SOX7: variants seen among roughly 807,000 people sequenced by gnomAD.
SOX7 encodes the protein SRY-box transcription factor 7.
SOX7 carries 19 observed loss-of-function variants against 24.9 expected under a neutral mutation model. The observed-to-expected ratio is 0.76, with a 90% CI of 0.53 to 1.12. The LOEUF (loss-of-function observed/expected upper bound fraction) is 1.12. Among genes scored for constraint, SOX7 ranks in the 50% most tolerant of loss-of-function variants. The probability of loss-of-function intolerance (pLI) is 0.00; values close to 1 mark genes in which losing one functional copy is unlikely to be tolerated. For missense variants in SOX7, 702 were observed against 535.0 expected, an observed-to-expected ratio of 1.31 and a Z score of -3.08; for synonymous variants, 327 against 244.5, an observed-to-expected ratio of 1.34 and a Z score of -3.15.
At position 10,724,470 on chromosome 8, in the gene SOX7, G is replaced by C. The variant is rs561747068; in HGVS notation, c.*1268C>G. 7 of 152,458 alleles carry C rather than the reference G, an allele frequency of 4.6e-5. No homozygotes were observed. The highest frequency in any genetic ancestry group is 1.4e-4 in the African/African-American group (6 of 41,582). 9.4% of individuals were successfully genotyped at this position (152,458 alleles called of 1,614,324 possible). ...CCCAGAAAAGAGAGTAAGGAAGCTG[G>C]AGACAGCCGGGAAGGAAGCACCTTT... On this transcript the variant is annotated 3_prime_UTR_variant, in exon 2 of 2. Coordinates refer to ENST00000304501, the MANE Select transcript of SOX7 (RefSeq NM_031439.4).
At chr8:10,727,607 C>T (rs1800180207) in intron 1 of SOX7, among the ~76,000 whole-genome samples, 2 of 152,202 alleles carry the variant, frequency 1.3e-5, no homozygotes, top group South Asian at 4.1e-4. Flanking sequence ...CCATTGCTTG[C>T]TTGTCTGTTG....
chr8:10,726,524 C>T lies in SOX7; in HGVS notation c.381G>A (p.Lys127=), dbSNP rs1220991833. The T allele has an allele frequency of 1.9e-6, 3 of 1,612,460 alleles. No homozygotes were observed. Among genetic ancestry groups the T allele is most frequent in the Non-Finnish European group, 2.5e-6 (3 of 1,179,972 alleles). The change falls in exon 2 of 2, where the codon AAG becomes AAA. Residue 127 remains lysine, a synonymous_variant. Coordinates refer to ENST00000304501, the MANE Select transcript of SOX7 (RefSeq NM_031439.4). ...RRKKQAKRLC[K]RVDPGFLLSS... ...TCAGAAGGAAGCCCGGGTCCACGCG[C>T]TTGCACAGCCGCTTGGCCTGCTTCT...
At position 10,725,623 on chromosome 8, in the gene SOX7, G is replaced by T; in HGVS notation, c.*115C>A. The T allele has an allele frequency of 8.7e-7, 1 of 1,149,576 alleles. No individual in the cohort carries two copies. Among genetic ancestry groups the T allele is most frequent in the South Asian group, 1.4e-5 (1 of 69,408 alleles). 71.2% of individuals were successfully genotyped at this position (1,149,576 alleles called of 1,614,324 possible). The stretch of plus-strand genomic sequence containing the variant: ...CCAAAGGCTCTGGGGCCGCAGTTCA[G>T]ACCTCCCTGCCCTGAGCGGTGGGAG... On this transcript the variant is annotated 3_prime_UTR_variant, in exon 2 of 2. Transcript: ENST00000304501.
Position 10,724,728 on chromosome 8 carries a change from T to G in SOX7, c.*1010A>C, listed in dbSNP as rs1006213438. 6.6e-6 allele frequency: 1 copy of G among 152,014 alleles called. No individual in the cohort carries two copies. The highest frequency in any genetic ancestry group is 1.5e-5 in the Non-Finnish European group (1 of 68,032). The allele number at this position is 152,014 out of a possible 1,614,324, so 9.4% of individuals were successfully genotyped here. A position where few individuals can be genotyped will look rare whatever the true frequency, so the allele number is the denominator to read the frequency against. ...TTCAGACTGTGCATATTCTTTTTTT[T>G]TTTTTTTTCTTGAAATGGAGTTTCA... On this transcript the variant is annotated 3_prime_UTR_variant, in exon 2 of 2. Transcript: ENST00000304501.
chr8:10,727,600 T>C (rs1457729370), intron 1 of SOX7, among the ~76,000 whole-genome samples: 1 of 152,202 alleles, frequency 6.6e-6, no homozygotes, highest in African/African-American at 2.4e-5. Context: ...CTATTCACCA[T>C]TGCTTGCTTG....
In SOX7 at chr8:10,730,353, T is replaced by C. The variant is rs755062601; in HGVS notation, c.81A>G (p.Gln27=). 72 of 1,566,094 alleles carry C rather than the reference T, an allele frequency of 4.6e-5. No homozygotes were observed. The highest frequency in any genetic ancestry group is 5.8e-5 in the Non-Finnish European group (67 of 1,160,312). The stretch of plus-strand genomic sequence containing the variant: ...GGGGCCGGGGGACGGCCGGCGGCGA[T>C]TGTCCATCCGACAGCTCGGCGTCCA... The part of the protein sequence containing the change: ...PALDAELSDG[Q]SPPAVPRPPG... The change falls in exon 1 of 2, where the codon CAA becomes CAG. Residue 27 remains glutamine, a synonymous_variant. Transcript: ENST00000304501. The surrounding 1 kb of genome is among the most constrained non-coding windows in gnomAD (Gnocchi z 4.8).
chr8:10,730,142 G>GCCGCCCGCCGC lies in SOX7; in HGVS notation c.238+43_238+53dup. The GCCGCCCGCCGC allele has an allele frequency of 7.7e-7, 1 of 1,296,536 alleles. No individual in the cohort carries two copies. The highest frequency in any genetic ancestry group is 1.0e-6 in the Non-Finnish European group (1 of 1,004,636). The allele number at this position is 1,296,536 out of a possible 1,614,324, so 80.3% of individuals were successfully genotyped here. ...TCGCACCCGCCCTGCAGTGCCGCCAGCCGCCCGCCGCCCGCCCCCGGCCCC... is the reference window on the plus strand; with the variant it reads ...TCGCACCCGCCCTGCAGTGCCGCCAGCCGCCCGCCGCCCGCCCGCCGCCCGCCCCCGGCCCC... On this transcript the variant is annotated intron_variant, in intron 1 of 1. Coordinates refer to ENST00000304501, the MANE Select transcript of SOX7 (RefSeq NM_031439.4). The surrounding 1 kb of genome is among the most constrained non-coding windows in gnomAD (Gnocchi z 4.8).
At position 10,726,170 on chromosome 8, in the gene SOX7, C is replaced by T. The variant is rs770103411; in HGVS notation, c.735G>A (p.Glu245=). 10 of 1,608,218 alleles carry T rather than the reference C, an allele frequency of 6.2e-6. No individual in the cohort carries two copies. The African/African-American group carries it at 1.1e-4, about 17-fold the overall frequency. ...TACAGTGGAGAGGGCTTGGGGCGTA[C>T]TCCGGTGAGTACGGGTGCCCTGGCA... ...PHLPGHPYSP[E]YAPSPLHCSH... Residue 245 remains glutamate, a synonymous_variant, in exon 2 of 2, where the codon GAG becomes GAA. Coordinates refer to ENST00000304501, the MANE Select transcript of SOX7 (RefSeq NM_031439.4).
intron 1 of SOX7, among the ~76,000 whole-genome samples, chr8:10,729,887 G>T (rs951041760): frequency 1.3e-5 from 2 of 152,026 alleles, no homozygotes; most frequent in African/African-American, 4.8e-5. Context: ...GTCGCCAGGC[G>T]TCCTGGCCTG....
At chr8:10,728,958 CTG>C (rs1281318918) in intron 1 of SOX7, among the ~76,000 whole-genome samples, 4 of 152,254 alleles carry the variant, frequency 2.6e-5, no homozygotes, top group Non-Finnish European at 4.4e-5. Context: ...TATGCCAACA[CTG>C]TGTAAAATAC....
In SOX7 at chr8:10,726,344, G is replaced by A. The variant is rs1586081273; in HGVS notation, c.561C>T (p.Gly187=). 3 of 1,612,388 alleles carry A rather than the reference G, an allele frequency of 1.9e-6. No homozygotes were observed. The highest frequency in any genetic ancestry group is 4.5e-5 in the East Asian group (2 of 44,846). The change falls in exon 2 of 2, where the codon GGC becomes GGT. Residue 187 remains glycine (G), a synonymous_variant. Transcript: ENST00000304501. ...TGTCCACACTGCTCGGGGTGCCGCC[G>A]CCGCCACCACCAGCCGGCCCCTCGT... ...CYHEGPAGGG[G]GGTPSSVDTY...
At position 10,726,071 on chromosome 8, in the gene SOX7, G is replaced by C. The variant is rs549229512; in HGVS notation, c.834C>G (p.Pro278=). The change falls in exon 2 of 2, where the codon CCC becomes CCG. Residue 278 remains proline, a synonymous_variant. Coordinates refer to ENST00000304501, the MANE Select transcript of SOX7 (RefSeq NM_031439.4). ...CCGGGGAGTAATAGGCAGGAGATGG[G>C]GGACAGCCGGGTACAGGGGACATCA... is the stretch of plus-strand genomic sequence containing the variant. ...VSMMSPVPGC[P]PSPAYYSPAT... is the part of the protein sequence containing the mutation. The C allele has an allele frequency of 2.6e-6, 4 of 1,563,802 alleles. No homozygotes were observed. In the East Asian group the frequency reaches 6.7e-5, roughly 26 times the overall value.
In SOX7 at chr8:10,730,217, C is replaced by A. The variant is rs1380746268; in HGVS notation, c.217G>T (p.Ala73Ser). 5 of 1,550,168 alleles carry A rather than the reference C, an allele frequency of 3.2e-6. No individual in the cohort carries two copies. Among genetic ancestry groups the A allele is most frequent in the Non-Finnish European group, 4.3e-6 (5 of 1,151,726 alleles). The change falls in exon 1 of 2, where the codon GCC (alanine) becomes TCC (serine). Residue 73 changes from alanine (A) to serine (S), a missense_variant. Transcript: ENST00000304501. This position sits in a 1 kb window ranked among gnomAD's most constrained non-coding sequence, Gnocchi z 4.8. ...TCACCCAGCATCTTGCTGAGCTCGG[C>A]GTTGTGCAGGTCCGGGTTCTGCACT... ...LAVQNPDLHNAELSKMLGKSW... is the reference protein window; with the variant it reads ...LAVQNPDLHNSELSKMLGKSW...
Position 10,726,403 on chromosome 8 carries a change from C to T in SOX7, c.502G>A (p.Gly168Ser), listed in dbSNP as rs1249702262. 6 of 1,612,018 alleles carry T rather than the reference C, an allele frequency of 3.7e-6. No homozygotes were observed. The highest frequency in any genetic ancestry group is 1.7e-4 in the Middle Eastern group (1 of 6,012). Residue 168 changes from glycine to serine, a missense_variant, in exon 2 of 2, where the codon GGC (glycine) becomes AGC (serine). Transcript: ENST00000304501. ...EKEDRGEYSP[G>S]TALPSLRGCY... is the part of the protein sequence containing the mutation. ...CCCCGGAGGCTGGGCAGGGCAGTGC[C>T]GGGGGAGTACTCACCCCTGTCCTCC...
rs746246835 is a variant in SOX7, at chr8:10,725,568, G to A, written c.*170C>T. 4.4e-5 allele frequency: 28 copies of A among 643,564 alleles called. No homozygotes were observed. The highest frequency in any genetic ancestry group is 8.6e-5 in the Admixed American group (3 of 35,062). 39.9% of individuals were successfully genotyped at this position (643,564 alleles called of 1,614,324 possible). A position where few individuals can be genotyped will look rare whatever the true frequency, so the allele number is the denominator to read the frequency against. On this transcript the variant is annotated 3_prime_UTR_variant, in exon 2 of 2. Coordinates refer to ENST00000304501, the MANE Select transcript of SOX7 (RefSeq NM_031439.4). Reference sequence around the variant, plus strand: ...GGAACGTGGGGAAGGGGATAGAGGCGGCACTCGGATAAGGAGAGTCCAGCT... The same window carrying A: ...GGAACGTGGGGAAGGGGATAGAGGCAGCACTCGGATAAGGAGAGTCCAGCT...
Position 10,725,919 on chromosome 8 carries a change from C to A in SOX7, c.986G>T (p.Arg329Leu). 1 of 1,614,106 alleles carries A rather than the reference C, an allele frequency of 6.2e-7. No homozygotes were observed. The highest frequency in any genetic ancestry group is 8.5e-7 in the Non-Finnish European group (1 of 1,179,980). Residue 329 changes from arginine (R) to leucine (L), a missense_variant, in exon 2 of 2, where the codon CGC becomes CTC. Coordinates refer to ENST00000304501, the MANE Select transcript of SOX7 (RefSeq NM_031439.4). Reference sequence around the variant, plus strand: ...GTTCAAATACTGGTCGAATTCATTGCGATCCATGTCCCCCAGGAGTTCCAC... The same window carrying A: ...GTTCAAATACTGGTCGAATTCATTGAGATCCATGTCCCCCAGGAGTTCCAC... ...SQVELLGDMD[R>L]NEFDQYLNTP...
rs1477551107 is a variant in SOX7 at position 10,723,990 on chromosome 8, T to C, written c.*1748A>G. ...CCAAATGGCATATAAAGTAATAGCA[T>C]AAAGAGTAATCATACCTTATAAGTG... On this transcript the variant is annotated 3_prime_UTR_variant, in exon 2 of 2. Coordinates refer to ENST00000304501, the MANE Select transcript of SOX7 (RefSeq NM_031439.4). 1.3e-5 allele frequency: 2 copies of C among 152,468 alleles called. No homozygotes were observed. The highest frequency in any genetic ancestry group is 3.8e-4 in the East Asian group (2 of 5,204). 9.4% of individuals were successfully genotyped at this position (152,468 alleles called of 1,614,324 possible). A position where few individuals can be genotyped will look rare whatever the true frequency, so the allele number is the denominator to read the frequency against.
In SOX7 at chr8:10,724,546, G is replaced by A. The variant is rs945234002; in HGVS notation, c.*1192C>T. Reference sequence around the variant, plus strand: ...ATCCAGATTTGAAGACAGTGACTTTGCTTGGTTGCAAAGTCCTTTTAGGTA... The same window carrying A: ...ATCCAGATTTGAAGACAGTGACTTTACTTGGTTGCAAAGTCCTTTTAGGTA... On this transcript the variant is annotated 3_prime_UTR_variant, in exon 2 of 2. Transcript: ENST00000304501. The A allele has an allele frequency of 2.0e-5, 3 of 152,142 alleles. No homozygotes were observed. The highest frequency in any genetic ancestry group is 4.4e-5 in the Non-Finnish European group (3 of 68,026). 9.4% of individuals were successfully genotyped at this position (152,142 alleles called of 1,614,324 possible). A position where few individuals can be genotyped will look rare whatever the true frequency, so the allele number is the denominator to read the frequency against.
At position 10,723,854 on chromosome 8, in the gene SOX7, A is replaced by T. The variant is rs1478821901; in HGVS notation, c.*1884T>A. On this transcript the variant is annotated 3_prime_UTR_variant, in exon 2 of 2. Transcript: ENST00000304501. ...TCCAAAGTATGAGTTGTTCTTTCAA[A>T]AAAACGAAACAGTTTAGCTTAATGT... 1 of 152,664 alleles carries T rather than the reference A, an allele frequency of 6.6e-6. No homozygotes were observed. The highest frequency in any genetic ancestry group is 1.5e-5 in the Non-Finnish European group (1 of 68,032). 9.5% of individuals were successfully genotyped at this position (152,664 alleles called of 1,614,324 possible).
Sources: gnomAD v4.1 joint callset for allele counts (sites outside exome capture counted in the v4.1 genomes callset) on GRCh38, gnomAD v4.1.1 for gene constraint, Gnocchi (gnomAD v3.1) non-coding constraint, MANE v1.5 for transcripts, NCBI Gene and HGNC (gene_info 2026-07-23, HGNC 2026-07-21) for gene names.